Variants in ACBD6 observed in about 807,000 individuals in gnomAD.
ACBD6 encodes the protein acyl-CoA binding domain containing 6, also known as acyl-CoA-binding domain-containing protein 6.
In ACBD6, 28 loss-of-function variants were observed where a neutral mutation model predicts 37.2. That is an observed-to-expected ratio of 0.75 (90% CI 0.56 to 1.03). The LOEUF is 1.03. ACBD6 is among the 50% of genes least tolerant of loss of function. The probability of loss-of-function intolerance (pLI) is 0.00; values close to 1 mark genes in which losing one functional copy is unlikely to be tolerated. For synonymous variants in ACBD6, 113 were observed against 126.8 expected, an observed-to-expected ratio of 0.89 and a Z score of 0.73; for missense variants, 340 against 337.4, an observed-to-expected ratio of 1.01 and a Z score of -0.06.
chr1:180,283,466 C>G (rs1470355462), downstream of ACBD6, among the ~76,000 whole-genome samples: 2 of 152,166 alleles, frequency 1.3e-5, no homozygotes, highest in Admixed American at 1.3e-4. Flanking sequence ...CTGGTTTTCT[C>G]ACCTGGTTTT....
At chr1:180,400,216 G>A (rs1393584429) in intron 5 of ACBD6, among the ~76,000 whole-genome samples, 8 of 152,044 alleles carry the variant, frequency 5.3e-5, no homozygotes, top group Admixed American at 5.2e-4. Context: ...TTACTTTAGG[G>A]GAAACACCTA....
chr1:180,353,230 G>C (rs1400964733), intron 6 of ACBD6, among the ~76,000 whole-genome samples: 1 of 152,152 alleles, frequency 6.6e-6, no homozygotes, highest in Non-Finnish European at 1.5e-5. Context: ...GGATAAATTT[G>C]GCTGACTTAG....
At chr1:180,453,749 A>G (rs1443661657) in intron 3 of ACBD6, among the ~76,000 whole-genome samples, 1 of 152,236 alleles carries the variant, frequency 6.6e-6, no homozygotes, top group Admixed American at 6.5e-5. Context: ...CCTATAAACC[A>G]ATAATAGACA....
At chr1:180,287,919 G>C (rs897562985), downstream of ACBD6, among the ~76,000 whole-genome samples, 5 of 152,200 alleles carry the variant, frequency 3.3e-5, no homozygotes, top group Admixed American at 1.3e-4. Flanking sequence ...CAAAAGAATA[G>C]ACATCTTAGC....
intron 3 of ACBD6, among the ~76,000 whole-genome samples, chr1:180,461,950 G>A (rs1650165200): frequency 6.6e-6 from 1 of 151,998 alleles, no homozygotes; most frequent in African/African-American, 2.4e-5. Context: ...ATGTAAATGG[G>A]GTAGGCTGGG....
intron 9 of ACBD6, chr1:180,277,826 G>GA (rs1183071894): frequency 3.5e-5 from 5 of 144,590 alleles, no homozygotes; most frequent in Admixed American, 1.4e-4. Flanking sequence ...AGGGAAAGAG[G>GA]AAAAAATTAA....
intron 6 of ACBD6, among the ~76,000 whole-genome samples, chr1:180,371,559 A>T (rs1653266750): frequency 6.6e-6 from 1 of 152,130 alleles, no homozygotes; most frequent in Non-Finnish European, 1.5e-5. Context: ...ACTTTTTTAA[A>T]AGATCTATAG....
chr1:180,290,423 C>T (rs771960183), intron 7 of ACBD6, among the ~76,000 whole-genome samples: 29 of 152,302 alleles, frequency 1.9e-4, no homozygotes, highest in Non-Finnish European at 3.7e-4. Context: ...GCAATCCTCC[C>T]GCCTTGGCCT....
At chr1:180,272,239 G>A (rs1451870561) in intron 13 of ACBD6, among the ~76,000 whole-genome samples, 1 of 152,110 alleles carries the variant, frequency 6.6e-6, no homozygotes, top group East Asian at 1.9e-4. Context: ...GCCAGGCCCC[G>A]TCCTGTGGCC....
chr1:180,289,029 T>C (rs1427418575), intron 7 of ACBD6, among the ~76,000 whole-genome samples: 3 of 116,196 alleles, frequency 2.6e-5, no homozygotes, highest in East Asian at 4.7e-4. Context: ...ACCATTCTTC[T>C]ACAGGAACTA....
rs184562764 is a variant in ACBD6 at position 180,322,996 on chromosome 1, G to A, written c.664-8274C>T. Among the ~76,000 whole-genome samples, 10 of 151,528 alleles carry A rather than the reference G, an allele frequency of 6.6e-5. No homozygotes were observed. In the East Asian group the frequency reaches 1.3e-3, roughly 20 times the overall value. On this transcript the variant is annotated intron_variant, in intron 6 of 7. Coordinates refer to ENST00000367595, the MANE Select transcript of ACBD6 (RefSeq NM_032360.4). ...GTTTTTCTTCTTTTTTGATGCAGGCGCTATAAACTTCTCTCTTGGTACTGC... is the reference window on the plus strand; with the variant it reads ...GTTTTTCTTCTTTTTTGATGCAGGCACTATAAACTTCTCTCTTGGTACTGC...
chr1:180,333,127 T>C (rs1011903944), intron 6 of ACBD6, among the ~76,000 whole-genome samples: 2 of 152,172 alleles, frequency 1.3e-5, no homozygotes, highest in African/African-American at 4.8e-5. Flanking sequence ...TTAAAAACCA[T>C]CATGTTACTA....
chr1:180,486,371 G>A (rs1651263678), intron 3 of ACBD6, among the ~76,000 whole-genome samples: 1 of 152,238 alleles, frequency 6.6e-6, no homozygotes, highest in African/African-American at 2.4e-5. Flanking sequence ...AGTTTGCCAT[G>A]CCATGGATAA....
intron 6 of ACBD6, among the ~76,000 whole-genome samples, chr1:180,353,448 T>C (rs1276105788): frequency 6.6e-6 from 1 of 152,174 alleles, no homozygotes; most frequent in East Asian, 1.9e-4. Flanking sequence ...ACTGCAACTC[T>C]GAACATCTAT....
chr1:180,491,635 A>G (rs945345563), intron 3 of ACBD6, among the ~76,000 whole-genome samples: 2 of 152,206 alleles, frequency 1.3e-5, no homozygotes, highest in East Asian at 3.8e-4. Flanking sequence ...CCTTGCATAG[A>G]AAGTGATCAT....
intron 4 of ACBD6, among the ~76,000 whole-genome samples, chr1:180,427,918 C>A (rs72714888): frequency 0.18 from 17,311 of 93,686 alleles, 1,244 homozygotes; most frequent in African/African-American, 0.25. Context: ...GACTCTGTCT[C>A]AAAAAAAAAA....
chr1:180,469,009 C>T (rs1650456597), intron 3 of ACBD6, among the ~76,000 whole-genome samples: 1 of 152,216 alleles, frequency 6.6e-6, no homozygotes, highest in African/African-American at 2.4e-5. Context: ...AACCAAGCTG[C>T]ACTGCCAGTG....
chr1:180,354,948 T>C (rs1309636065), intron 6 of ACBD6, among the ~76,000 whole-genome samples: 2 of 152,230 alleles, frequency 1.3e-5, no homozygotes, highest in Admixed American at 1.3e-4. Flanking sequence ...CTCTGAATAG[T>C]AAAGCACACA....
intron 3 of ACBD6, among the ~76,000 whole-genome samples, chr1:180,476,844 AAAAC>A (rs546710497): frequency 5.9e-5 from 9 of 152,226 alleles, no homozygotes; most frequent in African/African-American, 1.7e-4. Flanking sequence ...ACAAAAAACA[AAAAC>A]AAACAAAAAA....
Sources: gnomAD v4.1 joint callset for allele counts (sites outside exome capture counted in the v4.1 genomes callset) on GRCh38, gnomAD v4.1.1 for gene constraint, MANE v1.5 for transcripts, NCBI Gene and HGNC (gene_info 2026-07-23, HGNC 2026-07-21) for gene names.